The following ACTR3C variants were observed in gnomAD, a reference collection of about 807,000 sequenced individuals.
ACTR3C encodes the protein actin-related protein 3C.
ACTR3C carries 18 observed loss-of-function variants against 26.3 expected under a neutral mutation model. The observed-to-expected ratio is 0.68, with a 90% confidence interval of 0.47 to 1.01. The LOEUF is 1.01. Among genes scored for constraint, ACTR3C ranks in the 50% least tolerant of loss-of-function variants. The pLI is 0.00. For synonymous variants in ACTR3C, 55 were observed against 94.5 expected (o/e 0.58, Z 2.42); for missense variants, 184 against 250.7 (o/e 0.73, Z 1.80).
intron 6 of ACTR3C, among the ~76,000 whole-genome samples, chr7:150,273,599 C>T (rs2129611165): frequency 6.6e-6 from 1 of 150,396 alleles, no homozygotes; most frequent in Admixed American, 6.6e-5. Context: ...AGATTCTGAA[C>T]TCAAGGTTTG....
chr7:150,273,913 T>C (rs1268089109), intron 6 of ACTR3C, among the ~76,000 whole-genome samples: 1 of 152,204 alleles, frequency 6.6e-6, no homozygotes, highest in African/African-American at 2.4e-5. Flanking sequence ...CCAGGCCCCA[T>C]AGCCTGCCGT....
At chr7:150,039,778 G>A in the ACTR3C span, among the ~76,000 whole-genome samples, 3 of 129,250 alleles carry the variant, frequency 2.3e-5, no homozygotes, top group African/African-American at 5.3e-5. Flanking sequence ...CCCAGAGCCA[G>A]GGGGGGAAGA....
At chr7:150,278,383 C>T (rs1322084788) in intron 6 of ACTR3C, among the ~76,000 whole-genome samples, 1 of 152,240 alleles carries the variant, frequency 6.6e-6, no homozygotes, top group Non-Finnish European at 1.5e-5. Context: ...CAGTGGCCAC[C>T]CTGGGCAGCA....
chr7:150,026,977 A>G, the ACTR3C span, among the ~76,000 whole-genome samples: 4 of 152,044 alleles, frequency 2.6e-5, no homozygotes, highest in Admixed American at 1.3e-4. Flanking sequence ...CACTTTTTAA[A>G]GGAGAAAATC....
the ACTR3C span, among the ~76,000 whole-genome samples, chr7:150,111,835 T>A: frequency 6.7e-6 from 1 of 148,436 alleles, no homozygotes; most frequent in Non-Finnish European, 1.5e-5. Context: ...TAATCCCTTT[T>A]TCTGCGCGGA....
chr7:150,095,667 C>A, the ACTR3C span, among the ~76,000 whole-genome samples: 2 of 147,176 alleles, frequency 1.4e-5, no homozygotes. Flanking sequence ...ATTTTCAAAA[C>A]CAGGAATGCA....
downstream of ACTR3C, chr7:150,246,520 A>G (rs1329846055): frequency 6.6e-6 from 1 of 152,210 alleles, no homozygotes; most frequent in African/African-American, 2.4e-5. Flanking sequence ...GTCATTTCCA[A>G]TAACAACTGT....
chr7:149,896,058 A>G, the ACTR3C span, among the ~76,000 whole-genome samples: 1 of 138,990 alleles, frequency 7.2e-6, no homozygotes, highest in African/African-American at 2.6e-5. Flanking sequence ...AAAAAAAAAC[A>G]CAAAAACTAG....
intron 1 of ACTR3C, among the ~76,000 whole-genome samples, chr7:150,300,546 T>G (rs950919422): frequency 6.6e-6 from 1 of 151,792 alleles, no homozygotes; most frequent in African/African-American, 2.4e-5. Flanking sequence ...CTGCACTGTG[T>G]GTGCATCACT....
chr7:150,127,721 T>C, the ACTR3C span, among the ~76,000 whole-genome samples: 1 of 152,154 alleles, frequency 6.6e-6, no homozygotes, highest in Non-Finnish European at 1.5e-5. Flanking sequence ...CTTGTATTAA[T>C]ATGTTTTCAA....
chr7:150,185,125 G>A, the ACTR3C span, among the ~76,000 whole-genome samples: 1 of 151,950 alleles, frequency 6.6e-6, no homozygotes, highest in Non-Finnish European at 1.5e-5. Flanking sequence ...AGGAATCATG[G>A]TCTCCCCAAA....
At chr7:150,148,407 G>C in the ACTR3C span, among the ~76,000 whole-genome samples, 1 of 152,090 alleles carries the variant, frequency 6.6e-6, no homozygotes, top group African/African-American at 2.4e-5. Flanking sequence ...CACCCGGGAG[G>C]CAGAGGTTGC....
the ACTR3C span, among the ~76,000 whole-genome samples, chr7:149,947,131 C>T: frequency 2.0e-5 from 3 of 151,566 alleles, no homozygotes; most frequent in African/African-American, 7.3e-5. Context: ...AGCCACTGCT[C>T]CGTCTTCTCT....
the ACTR3C span, among the ~76,000 whole-genome samples, chr7:150,101,348 G>A: frequency 2.6e-5 from 4 of 151,550 alleles, no homozygotes; most frequent in Admixed American, 6.6e-5. Flanking sequence ...CTGCTTGCAG[G>A]GTAAGTGACC....
At chr7:150,006,975 CTTTG>C in the ACTR3C span, among the ~76,000 whole-genome samples, 3 of 152,102 alleles carry the variant, frequency 2.0e-5, no homozygotes, top group Non-Finnish European at 2.9e-5. Flanking sequence ...GAACCTGAAC[CTTTG>C]TTTGTGGACC....
Position 150,247,436 on chromosome 7 carries a change from C to T in ACTR3C, c.*172G>A, listed in dbSNP as rs61286110. 1,428 of 148,044 alleles carry T rather than the reference C, an allele frequency of 9.6e-3. 32 individuals carry two copies. Among genetic ancestry groups the T allele is most frequent in the African/African-American group, 0.034 (1,343 of 39,772 alleles). 9.2% of individuals were successfully genotyped at this position (148,044 alleles called of 1,614,324 possible). ...GTGGTTCTCTAGAGAGCTTTGCCAC[C>T]AGTTTTGCAGGGAGAGGGCTTTTAG... On this transcript the variant is annotated 3_prime_UTR_variant, in exon 8 of 8. Coordinates refer to ENST00000683684, the MANE Select transcript of ACTR3C (RefSeq NM_001164458.2).
chr7:150,309,769 G>C (rs1432651458), intron 1 of ACTR3C, among the ~76,000 whole-genome samples: 1 of 152,150 alleles, frequency 6.6e-6, no homozygotes, highest in Admixed American at 6.5e-5. Context: ...CTGGAGCTCT[G>C]GATCAAAGCT....
the ACTR3C span, among the ~76,000 whole-genome samples, chr7:149,930,291 G>A: frequency 6.6e-6 from 1 of 152,142 alleles, no homozygotes. Context: ...AAGGGAAAAT[G>A]TGTCCTCAGA....
the ACTR3C span, among the ~76,000 whole-genome samples, chr7:149,988,330 G>A: frequency 3.3e-5 from 5 of 152,188 alleles, no homozygotes; most frequent in East Asian, 1.9e-4. Context: ...GCTAAGCACC[G>A]CATGGGGCAT....
Sources: gnomAD v4.1 joint callset for allele counts (sites outside exome capture counted in the v4.1 genomes callset) on GRCh38, gnomAD v4.1.1 for gene constraint, MANE v1.5 for transcripts, NCBI Gene and HGNC (gene_info 2026-07-23, HGNC 2026-07-21) for gene names.